Variants in CUEDC1 observed in about 807,000 individuals in gnomAD.
The protein encoded by CUEDC1 is CUE domain-containing protein 1.
Under a neutral mutation model 43.7 loss-of-function variants are expected in CUEDC1, and 30 were observed. That is an observed-to-expected ratio of 0.69 (90% confidence interval 0.51 to 0.93). CUEDC1 has a LOEUF of 0.93. CUEDC1 is among the 40% of genes least tolerant of loss of function. The probability of loss-of-function intolerance (pLI) is 0.00; values close to 1 mark genes in which losing one functional copy is unlikely to be tolerated. For missense variants in CUEDC1, 486 were observed against 549.0 expected, an observed-to-expected ratio of 0.89 and a Z score of 1.15; for synonymous variants, 223 against 223.6, an observed-to-expected ratio of 1.00 and a Z score of 0.02.
chr17:57,922,380 C>A (rs9904850), intron 1 of CUEDC1: 32,968 of 152,064 alleles, frequency 0.22, 4,223 homozygotes, highest in Non-Finnish European at 0.3. Flanking sequence ...TGACCTCCCC[C>A]CTCTGTTCAT....
intron 1 of CUEDC1, among the ~76,000 whole-genome samples, chr17:57,893,440 C>T (rs1314509206): frequency 6.6e-6 from 1 of 152,110 alleles, no homozygotes; most frequent in Non-Finnish European, 1.5e-5. Flanking sequence ...TCTTCCCAAG[C>T]TATTAATGTC....
intron 9 of CUEDC1, 129 bp downstream of exon 9, chr17:57,867,228 C>A (rs912706394): frequency 2.3e-6 from 2 of 866,006 alleles, no homozygotes; most frequent in Admixed American, 4.1e-5. Flanking sequence ...CTTTGGGTCA[C>A]CTGCCCACCA....
In CUEDC1 at chr17:57,872,772, G is replaced by A. The variant is rs1568029369; in HGVS notation, c.675C>T (p.Ser225=). Reference sequence around the variant, plus strand: ...CGTCCTCCAGGTACTGCTTCCAGCGGCTCTCCTGGTCTCCGGGCCCTGGCC... The same window carrying A: ...CGTCCTCCAGGTACTGCTTCCAGCGACTCTCCTGGTCTCCGGGCCCTGGCC... ...MAGPGPGDQE[S]RWKQYLEDER... Residue 225 remains serine (S), a synonymous_variant, in exon 5 of 11, where the codon AGC becomes AGT. Coordinates refer to ENST00000577830, the MANE Select transcript of CUEDC1 (RefSeq NM_001271875.2). The A allele has an allele frequency of 1.9e-6, 3 of 1,614,202 alleles. No homozygotes were observed. The highest frequency in any genetic ancestry group is 2.5e-6 in the Non-Finnish European group (3 of 1,180,032).
chr17:57,921,367 G>GA (rs372719678), intron 1 of CUEDC1, among the ~76,000 whole-genome samples: 54 of 148,438 alleles, frequency 3.6e-4, no homozygotes, highest in African/African-American at 1.1e-3. Context: ...GAAAAGAGAT[G>GA]AAAAAAAAAA....
chr17:57,888,109 GC>G (rs2074317046), intron 1 of CUEDC1, among the ~76,000 whole-genome samples: 1 of 151,506 alleles, frequency 6.6e-6, no homozygotes, highest in Non-Finnish European at 1.5e-5. Context: ...TACCATGTTG[GC>G]CAGGCTGGTC....
chr17:57,872,682 G>T lies in CUEDC1; in HGVS notation c.765C>A (p.Phe255Leu). Residue 255 changes from phenylalanine (F) to leucine (L), a missense_variant, in exon 5 of 11, where the codon TTC becomes TTA. Transcript: ENST00000577830. ...GCCCACCTCTCTCCAGAGCGAGGAG[G>T]AAGTCGCGGTTCCGTTGCAGCTCCT... The part of the protein sequence containing the change: ...FMKELQRNRD[F>L]LLALERDRLK... 1 of 1,614,110 alleles carries T rather than the reference G, an allele frequency of 6.2e-7. No individual in the cohort carries two copies. Among genetic ancestry groups the T allele is most frequent in the Non-Finnish European group, 8.5e-7 (1 of 1,180,026 alleles).
At chr17:57,939,495 G>C (rs1380888128) in intron 1 of CUEDC1, among the ~76,000 whole-genome samples, 1 of 147,926 alleles carries the variant, frequency 6.8e-6, no homozygotes, top group South Asian at 2.2e-4. Flanking sequence ...GCCCAGGCTG[G>C]TCTCGAACTC....
At chr17:57,867,612 G>A (rs373903429) in intron 8 of CUEDC1, 197 bp from the exon 9 acceptor site, 13 of 599,460 alleles carry the variant, frequency 2.2e-5, no homozygotes, top group Admixed American at 1.4e-4. Context: ...TGACACTCTC[G>A]CCCAGCTTAC....
intron 1 of CUEDC1, among the ~76,000 whole-genome samples, chr17:57,935,985 C>T (rs2074858257): frequency 6.6e-6 from 1 of 152,252 alleles, no homozygotes; most frequent in Admixed American, 6.5e-5. Context: ...GCTGTCCTGT[C>T]TCCTGGGCCA....
chr17:57,871,421 G>T, intron 5 of CUEDC1, 52 bp from the exon 6 acceptor site: 1 of 1,488,938 alleles, frequency 6.7e-7, no homozygotes, highest in Non-Finnish European at 9.4e-7. Flanking sequence ...TGGGCTCCCA[G>T]GGGCAGGCTG....
chr17:57,862,630 G>A lies in CUEDC1; in HGVS notation c.*659C>T, dbSNP rs1040748136. The A allele has an allele frequency of 2.6e-5, 4 of 152,366 alleles. No individual in the cohort carries two copies. Among genetic ancestry groups the A allele is most frequent in the African/African-American group, 9.6e-5 (4 of 41,452 alleles). The allele number at this position is 152,366 out of a possible 1,614,324, so 9.4% of individuals were successfully genotyped here. ...TGAGGCCAGACGGGGCAGGGCAGTC[G>A]GCAGATGCTTTGCAGTAGCCCATAG... On this transcript the variant is annotated 3_prime_UTR_variant, in exon 11 of 11. Coordinates refer to ENST00000577830, the MANE Select transcript of CUEDC1 (RefSeq NM_001271875.2).
intron 1 of CUEDC1, among the ~76,000 whole-genome samples, chr17:57,935,410 C>A (rs1275597006): frequency 6.7e-6 from 1 of 148,328 alleles, no homozygotes; most frequent in African/African-American, 2.5e-5. Context: ...CACACAAACA[C>A]ACACACACAC....
At chr17:57,869,409 G>C (rs1403340413) in intron 6 of CUEDC1, among the ~76,000 whole-genome samples, 3 of 152,226 alleles carry the variant, frequency 2.0e-5, no homozygotes, top group Non-Finnish European at 4.4e-5. Flanking sequence ...GGGTTCAGCG[G>C]TCTACTGTGT....
intron 3 of CUEDC1, among the ~76,000 whole-genome samples, chr17:57,876,461 T>C (rs1322650968): frequency 6.6e-6 from 1 of 152,190 alleles, no homozygotes; most frequent in Non-Finnish European, 1.5e-5. Context: ...TGTCTTCGGC[T>C]TCCCTAGACC....
At chr17:57,882,875 G>C (rs2074233346) in intron 2 of CUEDC1, among the ~76,000 whole-genome samples, 1 of 152,134 alleles carries the variant, frequency 6.6e-6, no homozygotes. Flanking sequence ...GACTGTTTAT[G>C]TTAAGGCTTG....
chr17:57,874,526 G>A (rs2144934035), intron 3 of CUEDC1, among the ~76,000 whole-genome samples: 1 of 152,292 alleles, frequency 6.6e-6, no homozygotes, highest in South Asian at 2.1e-4. Flanking sequence ...AGGAAGAGGG[G>A]GTGGCACACA....
chr17:57,933,891 T>C (rs942249597), intron 1 of CUEDC1, among the ~76,000 whole-genome samples: 2 of 152,142 alleles, frequency 1.3e-5, no homozygotes, highest in Non-Finnish European at 2.9e-5. Flanking sequence ...TCTGGGGACC[T>C]GGCTGAGAGA....
intron 1 of CUEDC1, among the ~76,000 whole-genome samples, chr17:57,896,120 A>G (rs2144992394): frequency 6.6e-6 from 1 of 152,320 alleles, no homozygotes. Flanking sequence ...GGGTCCTGCA[A>G]ACAGAACTCC....
intron 1 of CUEDC1, among the ~76,000 whole-genome samples, chr17:57,949,700 G>A (rs527350340): frequency 5.3e-4 from 80 of 150,756 alleles, no homozygotes; most frequent in Middle Eastern, 3.4e-3. Context: ...CGCCTCCTGA[G>A]TAGCTGGGAC....
Sources: gnomAD v4.1 joint callset for allele counts (sites outside exome capture counted in the v4.1 genomes callset) on GRCh38, gnomAD v4.1.1 for gene constraint, MANE v1.5 for transcripts, NCBI Gene and HGNC (gene_info 2026-07-23, HGNC 2026-07-21) for gene names.